The following UGDH variants were observed in gnomAD, a reference collection of about 807,000 sequenced individuals.
UGDH encodes UDP-glucose 6-dehydrogenase, also known as UDP-Glc dehydrogenase.
In UGDH, 38 loss-of-function variants were observed where a neutral mutation model predicts 50.6. The observed-to-expected ratio is 0.75, with a 90% CI of 0.58 to 0.98. UGDH has a LOEUF of 0.98. Among genes scored for constraint, UGDH ranks in the 50% least tolerant of loss-of-function variants. The probability of loss-of-function intolerance (pLI) is 0.00; values close to 1 mark genes in which losing one functional copy is unlikely to be tolerated. For missense variants in UGDH, 465 were observed against 606.2 expected, an observed-to-expected ratio of 0.77 and a Z score of 2.45; for synonymous variants, 168 against 199.9, an observed-to-expected ratio of 0.84 and a Z score of 1.35.
chr4:39,515,793 A>G (rs1208191729), intron 2 of UGDH, among the ~76,000 whole-genome samples: 1 of 152,150 alleles, frequency 6.6e-6, no homozygotes, highest in Non-Finnish European at 1.5e-5. Context: ...TCCACCTACC[A>G]GGTTCAAGTG....
chr4:39,517,583 T>G (rs996812149), intron 2 of UGDH, among the ~76,000 whole-genome samples: 2 of 152,116 alleles, frequency 1.3e-5, no homozygotes, highest in African/African-American at 4.8e-5. Flanking sequence ...CAAAAGGAAG[T>G]GTTTTAACTG....
chr4:39,501,654 A>T (rs1002579934), intron 11 of UGDH, among the ~76,000 whole-genome samples: 1 of 151,792 alleles, frequency 6.6e-6, no homozygotes, highest in Non-Finnish European at 1.5e-5. Context: ...CATTACCTAA[A>T]CTCTCTAGGT....
At chr4:39,521,583 T>C in intron 1 of UGDH, 64 bp from the exon 2 acceptor site, 1 of 1,296,526 alleles carries the variant, frequency 7.7e-7, no homozygotes, top group Non-Finnish European at 1.0e-6. Flanking sequence ...AATAATATTG[T>C]ACATTAATTA....
At chr4:39,522,534 AT>A (rs1488385801) in intron 1 of UGDH, among the ~76,000 whole-genome samples, 2 of 152,194 alleles carry the variant, frequency 1.3e-5, no homozygotes, top group Non-Finnish European at 2.9e-5. Flanking sequence ...AAAAAGACAA[AT>A]CATATAATTA....
rs1746661585 is a variant in UGDH at position 39,521,519 on chromosome 4, ACTAG to A, written c.-7-4_-7-1del. 1 of 1,584,236 alleles carries A rather than the reference ACTAG, an allele frequency of 6.3e-7. No individual in the cohort carries two copies. The highest frequency in any genetic ancestry group is 8.6e-7 in the Non-Finnish European group (1 of 1,166,190). On this transcript the variant is annotated splice_acceptor_variant and splice_polypyrimidine_tract_variant and intron_variant, in intron 1 of 11. Transcript: ENST00000316423. LOFTEE classifies it low-confidence loss of function (5UTR_SPLICE). Reference sequence around the variant, plus strand: ...TCTTCTTAATTTCAAACATGATTGTACTAGAAGGAAAACAGTAAGACTGTTCTAG... The same window carrying A: ...TCTTCTTAATTTCAAACATGATTGTAAAGGAAAACAGTAAGACTGTTCTAG...
chr4:39,515,211 C>T (rs2109936312), intron 2 of UGDH, among the ~76,000 whole-genome samples: 1 of 152,246 alleles, frequency 6.6e-6, no homozygotes, highest in Middle Eastern at 3.4e-3. Context: ...AAGAGCAGCT[C>T]ATTTAATGCT....
At chr4:39,513,395 A>G (rs1248639015) in intron 3 of UGDH, among the ~76,000 whole-genome samples, 6 of 152,152 alleles carry the variant, frequency 3.9e-5, no homozygotes, top group African/African-American at 1.4e-4. Flanking sequence ...ATTCATTTAG[A>G]GAGGAGATGC....
Position 39,500,027 on chromosome 4 carries a change from CA to C in UGDH, c.*115del, listed in dbSNP as rs58175625. On this transcript the variant is annotated 3_prime_UTR_variant, in exon 12 of 12. Transcript: ENST00000316423. ...CCTGGGCAACAGTGAGACTCTGTCT[CA>C]AAAAAAAAACAAAAAAAAACACTTG... is the stretch of plus-strand genomic sequence containing the variant. The C allele has an allele frequency of 8.0e-4, 388 of 482,406 alleles. No homozygotes were observed. Among genetic ancestry groups the C allele is most frequent in the Middle Eastern group, 1.2e-3 (2 of 1,638 alleles). 29.9% of individuals were successfully genotyped at this position (482,406 alleles called of 1,614,324 possible).
intron 3 of UGDH, 144 bp downstream of exon 3, chr4:39,513,939 C>CA: frequency 1.6e-6 from 1 of 626,118 alleles, no homozygotes; most frequent in East Asian, 3.2e-5. Flanking sequence ...AACTGTCAGA[C>CA]AAAGTGACAA....
chr4:39,515,485 G>A (rs1746406018), intron 2 of UGDH, among the ~76,000 whole-genome samples: 1 of 122,196 alleles, frequency 8.2e-6, no homozygotes, highest in South Asian at 2.8e-4. Context: ...CCTATTGCAA[G>A]GAACCCTTTT....
At chr4:39,512,025 G>A (rs978606710) in intron 3 of UGDH, among the ~76,000 whole-genome samples, 111 of 136,870 alleles carry the variant, frequency 8.1e-4, no homozygotes, top group Non-Finnish European at 7.0e-4. Flanking sequence ...CTTTCATTTA[G>A]AAAAAAAAAA....
intron 11 of UGDH, among the ~76,000 whole-genome samples, chr4:39,500,706 G>C (rs1270234293): frequency 6.8e-6 from 1 of 148,090 alleles, no homozygotes; most frequent in African/African-American, 2.5e-5. Flanking sequence ...GCCTAGGCTG[G>C]AGTGCAGTGG....
intron 7 of UGDH, among the ~76,000 whole-genome samples, chr4:39,507,767 G>A (rs1746083050): frequency 6.6e-6 from 1 of 152,034 alleles, no homozygotes; most frequent in South Asian, 2.1e-4. Flanking sequence ...GGGCAATATA[G>A]TGAGACCTTG....
At chr4:39,517,284 C>T (rs1746474455) in intron 2 of UGDH, among the ~76,000 whole-genome samples, 1 of 151,460 alleles carries the variant, frequency 6.6e-6, no homozygotes. Context: ...CTCACTGCAA[C>T]CTCCACCTCC....
chr4:39,514,602 C>T (rs1430969177), intron 2 of UGDH, among the ~76,000 whole-genome samples: 1 of 152,108 alleles, frequency 6.6e-6, no homozygotes, highest in African/African-American at 2.4e-5. Flanking sequence ...CATTCCTGGG[C>T]TCAAACAATC....
chr4:39,507,928 G>A (rs1002532150), intron 7 of UGDH, among the ~76,000 whole-genome samples: 14 of 136,772 alleles, frequency 1.0e-4, no homozygotes, highest in African/African-American at 3.8e-4. Flanking sequence ...GGGTGACAAA[G>A]TGAGATCTTG....
chr4:39,519,507 T>C (rs916250946), intron 2 of UGDH, among the ~76,000 whole-genome samples: 1 of 152,146 alleles, frequency 6.6e-6, no homozygotes, highest in African/African-American at 2.4e-5. Context: ...AAAACATTTT[T>C]AAAAATTACC....
chr4:39,525,383 G>T (rs1448267162), intron 1 of UGDH, among the ~76,000 whole-genome samples: 1 of 151,860 alleles, frequency 6.6e-6, no homozygotes, highest in Non-Finnish European at 1.5e-5. Flanking sequence ...TAGTAGAGAC[G>T]GGGTTTCACC....
rs931850463 is a variant in UGDH, at chr4:39,500,012, A to G, written c.*131T>C. 1 of 562,688 alleles carries G rather than the reference A, an allele frequency of 1.8e-6. No individual in the cohort carries two copies. The highest frequency in any genetic ancestry group is 3.3e-5 in the Admixed American group (1 of 30,498). 34.9% of individuals were successfully genotyped at this position (562,688 alleles called of 1,614,324 possible). On this transcript the variant is annotated 3_prime_UTR_variant, in exon 12 of 12. Coordinates refer to ENST00000316423, the MANE Select transcript of UGDH (RefSeq NM_003359.4). The stretch of plus-strand genomic sequence containing the variant: ...ACCACTGCACTCCAGCCTGGGCAAC[A>G]GTGAGACTCTGTCTCAAAAAAAAAA...
Sources: gnomAD v4.1 joint callset for allele counts (sites outside exome capture counted in the v4.1 genomes callset) on GRCh38, gnomAD v4.1.1 for gene constraint, MANE v1.5 for transcripts, NCBI Gene and HGNC (gene_info 2026-07-23, HGNC 2026-07-21) for gene names.